Variants in DOCK9 observed in about 807,000 individuals in gnomAD.
DOCK9 encodes dedicator of cytokinesis 9.
A neutral mutation model predicts 263.3 loss-of-function variants in DOCK9; 89 were observed. The observed-to-expected ratio is 0.34, with a 90% confidence interval of 0.28 to 0.40. The LOEUF (loss-of-function observed/expected upper bound fraction) is 0.40. DOCK9 is among the 10% of genes least tolerant of loss of function. The pLI is 1.00. For synonymous variants in DOCK9, 976 were observed against 973.1 expected, an observed-to-expected ratio of 1.00 and a Z score of -0.06; for missense variants, 2,140 against 2,603.4, an observed-to-expected ratio of 0.82 and a Z score of 3.87.
intron 47 of DOCK9, 102 bp from the exon 48 acceptor site, chr13:98,807,909 C>A: frequency 3.1e-6 from 3 of 968,180 alleles, no homozygotes; most frequent in Non-Finnish European, 2.9e-6. Flanking sequence ...AGGAATGGGT[C>A]TAAAAATCCT....
intron 7 of DOCK9, among the ~76,000 whole-genome samples, chr13:98,919,344 C>A (rs2051480380): frequency 1.3e-5 from 2 of 152,090 alleles, no homozygotes; most frequent in Non-Finnish European, 2.9e-5. Flanking sequence ...TCCTGACCAT[C>A]CGCCTCTGCC....
chr13:99,063,988 T>A (rs2041309040), intron 1 of DOCK9, among the ~76,000 whole-genome samples: 1 of 152,168 alleles, frequency 6.6e-6, no homozygotes, highest in African/African-American at 2.4e-5. Flanking sequence ...CTACTATGCT[T>A]CTCTATTCTG....
chr13:98,942,667 T>A (rs1206141463), intron 2 of DOCK9, among the ~76,000 whole-genome samples: 19 of 152,254 alleles, frequency 1.2e-4, no homozygotes, highest in African/African-American at 4.6e-4. Context: ...ACGCTAGAGA[T>A]ACATTCTGAG....
At chr13:99,085,861 G>A (rs1471965942) in intron 1 of DOCK9, among the ~76,000 whole-genome samples, 2 of 151,252 alleles carry the variant, frequency 1.3e-5, no homozygotes, top group African/African-American at 4.9e-5. Flanking sequence ...TACGGGGGAG[G>A]GATGCGGGGG....
chr13:98,895,792 C>T (rs759474636), intron 15 of DOCK9, among the ~76,000 whole-genome samples: 1 of 152,066 alleles, frequency 6.6e-6, no homozygotes, highest in Non-Finnish European at 1.5e-5. Context: ...TGTTTGTAAA[C>T]TAAAGAACCT....
chr13:98,914,170 C>A, intron 9 of DOCK9, among the ~76,000 whole-genome samples, 158 bp downstream of exon 9: 1 of 152,182 alleles, frequency 6.6e-6, no homozygotes, highest in East Asian at 1.9e-4. Context: ...AATCATACTG[C>A]ATGAGTACAC....
intron 1 of DOCK9, among the ~76,000 whole-genome samples, chr13:98,963,138 T>C (rs1395193841): frequency 6.6e-6 from 1 of 151,996 alleles, no homozygotes; most frequent in Non-Finnish European, 1.5e-5. Context: ...GCGGGCAGCA[T>C]GGCGCGCCTC....
chr13:98,915,592 T>A, intron 7 of DOCK9, 89 bp from the exon 8 acceptor site: 1 of 1,301,164 alleles, frequency 7.7e-7, no homozygotes, highest in Non-Finnish European at 1.0e-6. Flanking sequence ...GAGTGATATC[T>A]CATTGGCATT....
At chr13:98,807,834 A>T in intron 47 of DOCK9, 27 bp from the exon 48 acceptor site, 1 of 1,589,092 alleles carries the variant, frequency 6.3e-7, no homozygotes, top group African/African-American at 1.3e-5. Flanking sequence ...AATTAGAGCT[A>T]TCCCTGAACG....
At chr13:99,084,157 G>A (rs2142506374) in intron 1 of DOCK9, among the ~76,000 whole-genome samples, 1 of 152,296 alleles carries the variant, frequency 6.6e-6, no homozygotes, top group East Asian at 1.9e-4. Flanking sequence ...TGCACCTGCT[G>A]TGGCTCCCTG....
At chr13:98,803,729 TA>T (rs200695611) in intron 49 of DOCK9, among the ~76,000 whole-genome samples, 5,206 of 152,270 alleles carry the variant, frequency 0.034, 126 homozygotes, top group Middle Eastern at 0.089. Context: ...ATGTGTGCAT[TA>T]AAAAAATAAT....
chr13:99,083,788 T>C (rs2042222008), intron 1 of DOCK9, among the ~76,000 whole-genome samples: 2 of 149,200 alleles, frequency 1.3e-5, no homozygotes, highest in Non-Finnish European at 3.0e-5. Flanking sequence ...GCCTTTATCA[T>C]CCACTGAACT....
intron 1 of DOCK9, chr13:99,025,149 G>A (rs1018014678): frequency 6.6e-6 from 1 of 152,174 alleles, no homozygotes; most frequent in African/African-American, 2.4e-5. Context: ...AAGAAGTGGG[G>A]AAATGTAGGA....
intron 15 of DOCK9, among the ~76,000 whole-genome samples, chr13:98,893,172 T>C (rs1167134659): frequency 1.3e-5 from 2 of 152,140 alleles, no homozygotes; most frequent in East Asian, 1.9e-4. Flanking sequence ...TTGGCTTGAG[T>C]GCAGTGTAAC....
intron 47 of DOCK9, chr13:98,808,648 C>A: frequency 6.3e-7 from 1 of 1,587,382 alleles, no homozygotes. Flanking sequence ...ACCTCCACAT[C>A]TGTTTCACTG....
At chr13:98,923,262 C>A in intron 5 of DOCK9, 40 bp downstream of exon 5, 1 of 1,579,972 alleles carries the variant, frequency 6.3e-7, no homozygotes, top group Non-Finnish European at 8.7e-7. Context: ...ATGTTTAAAT[C>A]TAGAGTGAAA....
chr13:98,837,451 T>C (rs768448182), intron 39 of DOCK9, 43 bp downstream of exon 39: 2 of 1,382,158 alleles, frequency 1.4e-6, no homozygotes, highest in East Asian at 4.6e-5. Flanking sequence ...AGAATGAATG[T>C]GAAAGGTAAA....
intron 10 of DOCK9, among the ~76,000 whole-genome samples, chr13:98,903,551 G>A (rs1186640000): frequency 7.1e-6 from 1 of 141,348 alleles, no homozygotes; most frequent in Non-Finnish European, 1.5e-5. Flanking sequence ...AGTGAGCCGA[G>A]ATTGCACCAC....
chr13:98,798,573 T>C lies in DOCK9; in HGVS notation c.5917-1084A>G, dbSNP rs527445206. ...ATCTAAAATGATACAAGACGGTCTG[T>C]ATTTGAAGAAGATAGAAAGAGGAAG... On this transcript the variant is annotated intron_variant, in intron 50 of 52. Transcript: ENST00000682017. Among the ~76,000 whole-genome samples, 4 of 152,282 alleles carry C rather than the reference T, an allele frequency of 2.6e-5. No homozygotes were observed. In the East Asian group the frequency reaches 7.7e-4, roughly 29 times the overall value.
Sources: allele counts gnomAD v4.1 joint callset (sites outside exome capture counted in the v4.1 genomes callset), GRCh38; gene constraint gnomAD v4.1.1; transcripts MANE v1.5; gene names NCBI Gene and HGNC (gene_info 2026-07-23, HGNC 2026-07-21).